The following ZFPM2 variants were observed in gnomAD, a reference collection of about 807,000 sequenced individuals.
The protein encoded by ZFPM2 is zinc finger protein ZFPM2.
A neutral mutation model predicts 98.6 loss-of-function variants in ZFPM2; 20 were observed. That is an observed-to-expected ratio of 0.20 (90% CI 0.14 to 0.29). ZFPM2 has a LOEUF of 0.29. Ranked by LOEUF, ZFPM2 falls within the 10% of genes least tolerant of loss-of-function variation. The probability of loss-of-function intolerance (pLI) is 1.00; values close to 1 mark genes in which losing one functional copy is unlikely to be tolerated. For synonymous variants in ZFPM2, 518 were observed against 502.7 expected (o/e 1.03, Z -0.41); for missense variants, 1,310 against 1,388.6 (o/e 0.94, Z 0.90).
chr8:105,389,486 G>T (rs6983874), intron 1 of ZFPM2, among the ~76,000 whole-genome samples: 82,472 of 151,966 alleles, frequency 0.54, 22,520 homozygotes, highest in Middle Eastern at 0.6. Flanking sequence ...TGCCTACTCA[G>T]ATGTCATTGA....
chr8:105,664,576 CGCCTGCCTTG>C (rs1817455523), intron 5 of ZFPM2, among the ~76,000 whole-genome samples: 1 of 152,132 alleles, frequency 6.6e-6, no homozygotes, highest in African/African-American at 2.4e-5. Context: ...TCAGGTGATC[CGCCTGCCTTG>C]GCCTCCCAAA....
chr8:105,525,416 A>C (rs1257284409), intron 3 of ZFPM2, among the ~76,000 whole-genome samples: 1 of 152,226 alleles, frequency 6.6e-6, no homozygotes, highest in African/African-American at 2.4e-5. Flanking sequence ...ATTCCGTGCC[A>C]GTCACCTGAT....
intron 3 of ZFPM2, among the ~76,000 whole-genome samples, chr8:105,551,113 T>C (rs776284511): frequency 9.2e-5 from 14 of 152,200 alleles, no homozygotes; most frequent in Non-Finnish European, 1.8e-4. Context: ...AATTATAGCC[T>C]ATAAGTGAGA....
intron 1 of ZFPM2, among the ~76,000 whole-genome samples, chr8:105,340,993 A>G (rs1469122805): frequency 1.3e-5 from 2 of 151,924 alleles, no homozygotes; most frequent in Non-Finnish European, 2.9e-5. Context: ...ATGGAGAGGA[A>G]CCACTGTCAA....
At position 105,783,379 on chromosome 8, in the gene ZFPM2, C is replaced by T. The variant is rs1343183946; in HGVS notation, c.533-5339C>T. ...AAAAAAATGTAACCTCATTTTTTCT[C>T]AATTTTTAAAATTCTGATAAAATAC... On this transcript the variant is annotated intron_variant, in intron 5 of 7. Coordinates refer to ENST00000407775, the MANE Select transcript of ZFPM2 (RefSeq NM_012082.4). Among the ~76,000 whole-genome samples the T allele has an allele frequency of 4.6e-5, 7 of 151,520 alleles. No homozygotes were observed. In the South Asian group the frequency reaches 1.5e-3, roughly 32 times the overall value.
intron 5 of ZFPM2, among the ~76,000 whole-genome samples, chr8:105,653,946 G>A (rs148063984): frequency 5.6e-4 from 71 of 126,976 alleles, no homozygotes; most frequent in African/African-American, 2.1e-3. Context: ...AGAAAATGCT[G>A]CTCTACTCTA....
At chr8:105,672,543 C>A (rs1323046633) in intron 5 of ZFPM2, among the ~76,000 whole-genome samples, 4 of 151,820 alleles carry the variant, frequency 2.6e-5, no homozygotes, top group Non-Finnish European at 5.9e-5. Context: ...TATAAGAGTG[C>A]CATTGATTTT....
chr8:105,515,538 C>T (rs1404025310), intron 3 of ZFPM2, among the ~76,000 whole-genome samples: 1 of 152,090 alleles, frequency 6.6e-6, no homozygotes, highest in Non-Finnish European at 1.5e-5. Flanking sequence ...ATTCCTAGGC[C>T]AAGATCTTTA....
At chr8:105,708,324 T>C (rs1328830748) in intron 5 of ZFPM2, among the ~76,000 whole-genome samples, 7 of 152,218 alleles carry the variant, frequency 4.6e-5, no homozygotes, top group Admixed American at 6.5e-5. Flanking sequence ...AGATATCTAA[T>C]TGTGTATGTT....
At chr8:105,395,263 C>CT (rs563459176) in intron 1 of ZFPM2, among the ~76,000 whole-genome samples, 297 of 152,256 alleles carry the variant, frequency 2.0e-3, no homozygotes, top group Non-Finnish European at 3.4e-3. Flanking sequence ...AGAGAGCATT[C>CT]TTTTTATCTG....
chr8:105,417,594 T>G (rs1329401602), intron 1 of ZFPM2, among the ~76,000 whole-genome samples: 1 of 152,186 alleles, frequency 6.6e-6, no homozygotes, highest in Admixed American at 6.6e-5. Context: ...GTTTAAGGAT[T>G]GTAATATTTT....
chr8:105,686,156 C>T (rs1203472087), intron 5 of ZFPM2, among the ~76,000 whole-genome samples: 2 of 152,030 alleles, frequency 1.3e-5, no homozygotes, highest in Non-Finnish European at 2.9e-5. Flanking sequence ...GCCCTAACAA[C>T]ATTCTTGTAC....
intron 3 of ZFPM2, among the ~76,000 whole-genome samples, chr8:105,531,481 A>G (rs760576425): frequency 3.3e-5 from 5 of 152,094 alleles, no homozygotes; most frequent in Non-Finnish European, 7.4e-5. Flanking sequence ...TCTTCTTATA[A>G]CGACACTAGT....
At chr8:105,740,169 C>G (rs564644400) in intron 5 of ZFPM2, among the ~76,000 whole-genome samples, 1 of 151,944 alleles carries the variant, frequency 6.6e-6, no homozygotes, top group Non-Finnish European at 1.5e-5. Context: ...GCACTTAAAC[C>G]CATGTGCCTC....
intron 5 of ZFPM2, among the ~76,000 whole-genome samples, chr8:105,663,212 A>G (rs942250011): frequency 6.6e-5 from 10 of 152,220 alleles, no homozygotes; most frequent in African/African-American, 1.7e-4. Context: ...TCCTGGCTTC[A>G]TGGAGTTTAC....
chr8:105,596,854 G>C (rs1213170990), intron 4 of ZFPM2, among the ~76,000 whole-genome samples: 1 of 149,358 alleles, frequency 6.7e-6, no homozygotes, highest in Non-Finnish European at 1.5e-5. Context: ...AAGCAAGGTA[G>C]TATCTGTGGT....
intron 1 of ZFPM2, among the ~76,000 whole-genome samples, chr8:105,347,144 C>T (rs1018181878): frequency 6.6e-6 from 1 of 151,914 alleles, no homozygotes; most frequent in Non-Finnish European, 1.5e-5. Context: ...CCCCGCCCCC[C>T]AAAACCCTTA....
At chr8:105,643,560 T>C (rs148765820) in intron 5 of ZFPM2, among the ~76,000 whole-genome samples, 215 of 152,200 alleles carry the variant, frequency 1.4e-3, no homozygotes, top group African/African-American at 4.9e-3. Flanking sequence ...TGGTCCACAA[T>C]GAGTACTATA....
At chr8:105,563,645 A>G (rs115651572) in intron 4 of ZFPM2, among the ~76,000 whole-genome samples, 2,207 of 152,248 alleles carry the variant, frequency 0.014, 44 homozygotes, top group African/African-American at 0.045. Context: ...CCATTTCTCA[A>G]GCTAATGAAT....
Sources: gnomAD v4.1 joint callset for allele counts (sites outside exome capture counted in the v4.1 genomes callset) on GRCh38, gnomAD v4.1.1 for gene constraint, MANE v1.5 for transcripts, NCBI Gene and HGNC (gene_info 2026-07-23, HGNC 2026-07-21) for gene names.